Variants in PPID observed in about 807,000 individuals in gnomAD.
The protein encoded by PPID is peptidyl-prolyl cis-trans isomerase D.
A neutral mutation model predicts 48.1 loss-of-function variants in PPID; 47 were observed. That is an observed-to-expected ratio of 0.98 (90% confidence interval 0.77 to 1.25). The LOEUF is 1.25. Ranked by LOEUF, PPID falls within the 50% of genes most tolerant of loss-of-function variation. The probability of loss-of-function intolerance (pLI) is 0.00; values close to 1 mark genes in which losing one functional copy is unlikely to be tolerated. For synonymous variants in PPID, 163 were observed against 148.8 expected (o/e 1.10, Z -0.69); for missense variants, 429 against 443.5 (o/e 0.97, Z 0.29).
chr4:158,712,991 A>G, intron 7 of PPID, 128 bp downstream of exon 7: 1 of 985,780 alleles, frequency 1.0e-6, no homozygotes, highest in Non-Finnish European at 1.5e-6. Context: ...ATATTTAGAA[A>G]CAAAATGTTT....
rs762916156 is a variant in PPID at position 158,721,474 on chromosome 4, AT to A, written c.94del (p.Ile32LeufsTer3). On this transcript the variant is annotated frameshift_variant, in exon 2 of 10. Transcript: ENST00000307720. LOFTEE classifies it high-confidence loss of function. The part of the protein sequence containing the change: ...VDIGGERVGR[I>X]VLELFADIVP... ...GATATCTGCAAACAATTCTAAGACA[AT>A]TCGACCAACTAAAAGAAAAGAAAAT... The A allele has an allele frequency of 3.2e-5, 51 of 1,613,096 alleles. No individual in the cohort carries two copies. Among genetic ancestry groups the A allele is most frequent in the Non-Finnish European group, 4.2e-5 (49 of 1,179,712 alleles).
chr4:158,723,066 C>G lies in PPID; in HGVS notation c.85+138G>C, dbSNP rs1165729891. 3 of 829,716 alleles carry G rather than the reference C, an allele frequency of 3.6e-6. No homozygotes were observed. In the Admixed American group the frequency reaches 6.6e-5, roughly 18 times the overall value. 51.4% of individuals were successfully genotyped at this position (829,716 alleles called of 1,614,324 possible). ...CCCTAGATCTCCGGGCCTGCTCCGG[C>G]GGACCAGCCTAGGCAGCCATCCCCT... On this transcript the variant is annotated intron_variant, in intron 1 of 9. Transcript: ENST00000307720.
rs756343421 is a variant in PPID at position 158,717,007 on chromosome 4, C to T, written c.522+5G>A. 1.2e-6 allele frequency: 2 copies of T among 1,605,284 alleles called. No homozygotes were observed. Among genetic ancestry groups the T allele is most frequent in the Non-Finnish European group, 1.7e-6 (2 of 1,173,036 alleles). On this transcript the variant is annotated splice_donor_5th_base_variant and intron_variant, in intron 4 of 9. Transcript: ENST00000307720. ...AAGTGTATTTCACTGTAACTTTTTACTTACTTTAGCAGGTTTTTCACCTTT... is the reference window on the plus strand; with the variant it reads ...AAGTGTATTTCACTGTAACTTTTTATTTACTTTAGCAGGTTTTTCACCTTT...
chr4:158,720,242 C>T (rs998458425), intron 2 of PPID, among the ~76,000 whole-genome samples: 5 of 152,214 alleles, frequency 3.3e-5, no homozygotes, highest in Non-Finnish European at 5.9e-5. Flanking sequence ...GCTACTCTTG[C>T]AGGCAGACCT....
At chr4:158,722,547 A>G (rs902978477) in intron 1 of PPID, among the ~76,000 whole-genome samples, 4 of 152,188 alleles carry the variant, frequency 2.6e-5, no homozygotes, top group Non-Finnish European at 4.4e-5. Flanking sequence ...AGCAATTCCA[A>G]CGTGTTCCAG....
intron 7 of PPID, among the ~76,000 whole-genome samples, chr4:158,712,439 C>T (rs1204436661): frequency 1.3e-5 from 2 of 152,160 alleles, no homozygotes; most frequent in African/African-American, 2.4e-5. Context: ...AGGCACTACA[C>T]TAAATGCCTT....
chr4:158,715,908 T>G (rs1032706021), intron 4 of PPID, among the ~76,000 whole-genome samples: 1 of 152,176 alleles, frequency 6.6e-6, no homozygotes, highest in Non-Finnish European at 1.5e-5. Flanking sequence ...ACAGAATAAG[T>G]TGGCAATTTT....
rs565985762 is a variant in PPID at position 158,714,389 on chromosome 4, A to T, written c.752+908T>A. The stretch of plus-strand genomic sequence containing the variant: ...TTCTTGCCAAAATATTTCACCTCAA[A>T]CTAATCTTAAGGAAACAAACACATA... On this transcript the variant is annotated intron_variant, in intron 6 of 9. Coordinates refer to ENST00000307720, the MANE Select transcript of PPID (RefSeq NM_005038.3). 1.1e-4 allele frequency among the ~76,000 whole-genome samples: 16 copies of T among 152,266 alleles called. No individual in the cohort carries two copies. In the South Asian group the frequency reaches 2.1e-3, roughly 20 times the overall value.
chr4:158,718,135 T>C (rs1490746088), intron 3 of PPID, among the ~76,000 whole-genome samples: 1 of 152,232 alleles, frequency 6.6e-6, no homozygotes, highest in Non-Finnish European at 1.5e-5. Flanking sequence ...TCACCTTTAG[T>C]TTTCATCCTT....
intron 7 of PPID, among the ~76,000 whole-genome samples, chr4:158,712,381 A>T (rs1370525307): frequency 1.3e-5 from 2 of 152,270 alleles, no homozygotes; most frequent in Admixed American, 6.5e-5. Context: ...GAGGGTATGG[A>T]TCTTTTAATT....
chr4:158,723,377 G>C lies in PPID; in HGVS notation c.-89C>G, dbSNP rs1303004525. ...AACTCCAGAGTCCGTCTCCGCCGGA[G>C]ACCGGCAGCGACGCTGACCGGCCAC... On this transcript the variant is annotated 5_prime_UTR_variant, in exon 1 of 10. Transcript: ENST00000307720. 3.1e-6 allele frequency: 4 copies of C among 1,305,152 alleles called. No individual in the cohort carries two copies. Among genetic ancestry groups the C allele is most frequent in the East Asian group, 5.0e-5 (2 of 40,386 alleles). The allele number at this position is 1,305,152 out of a possible 1,614,324, so 80.8% of individuals were successfully genotyped here.
chr4:158,715,742 C>T, intron 4 of PPID, 58 bp from the exon 5 acceptor site: 2 of 1,552,468 alleles, frequency 1.3e-6, no homozygotes, highest in Non-Finnish European at 1.8e-6. Flanking sequence ...GAGATAAAAG[C>T]TATACAGCTG....
intron 4 of PPID, 66 bp from the exon 5 acceptor site, chr4:158,715,750 C>G (rs996830677): frequency 7.6e-5 from 116 of 1,533,474 alleles, no homozygotes; most frequent in Admixed American, 1.5e-4. Context: ...AGCTATACAG[C>G]TGAAGTCATG....
At chr4:158,720,868 T>C (rs4690910) in intron 2 of PPID, among the ~76,000 whole-genome samples, 146,704 of 151,868 alleles carry the variant, frequency 0.97, 71,057 homozygotes, top group East Asian at 1. Flanking sequence ...GCGCCCACCA[T>C]CACACCCGGC....
intron 7 of PPID, among the ~76,000 whole-genome samples, chr4:158,712,764 AAAG>A (rs1210844457): frequency 1.8e-4 from 27 of 152,274 alleles, no homozygotes; most frequent in Middle Eastern, 3.4e-3. Context: ...CTCAAAAAAA[AAAG>A]AAGAAGAAAA....
chr4:158,710,404 G>A (rs999434301), intron 9 of PPID: 14 of 592,296 alleles, frequency 2.4e-5, no homozygotes, highest in Non-Finnish European at 3.6e-5. Context: ...AATAAATAAC[G>A]TGAAAAACTA....
rs761849495 is a variant in PPID, at chr4:158,715,388, A to G, written c.661T>C (p.Leu221=). ...IDLKDVDKIL[L]ITEDLKNIGN... ...ATGTTTTTTAAGTCTTCTGTTATTA[A>G]TAAAATTTTATCTACCTGTATAAAA... Residue 221 remains leucine, a synonymous_variant, in exon 6 of 10, where the codon TTA becomes CTA. Transcript: ENST00000307720. 2.5e-5 allele frequency: 38 copies of G among 1,514,166 alleles called. No individual in the cohort carries two copies. The highest frequency in any genetic ancestry group is 1.9e-4 in the Middle Eastern group (1 of 5,224). 93.8% of individuals were successfully genotyped at this position (1,514,166 alleles called of 1,614,324 possible).
intron 3 of PPID, among the ~76,000 whole-genome samples, chr4:158,718,792 T>C (rs1475249925): frequency 2.0e-5 from 3 of 152,210 alleles, no homozygotes; most frequent in Admixed American, 6.5e-5. Flanking sequence ...CTATATCTGC[T>C]AGTGTGCAAA....
At position 158,723,202 on chromosome 4, in the gene PPID, A is replaced by C. The variant is rs1278336568; in HGVS notation, c.85+2T>G. On this transcript the variant is annotated splice_donor_variant, in intron 1 of 9. Coordinates refer to ENST00000307720, the MANE Select transcript of PPID (RefSeq NM_005038.3). LOFTEE classifies it high-confidence loss of function. Reference sequence around the variant, plus strand: ...TTTCCGCGAGCGTCAGACTCCGCTCACCTCGCTCCCCTCCGATGTCCACGT... The same window carrying C: ...TTTCCGCGAGCGTCAGACTCCGCTCCCCTCGCTCCCCTCCGATGTCCACGT... The C allele has an allele frequency of 1.2e-6, 2 of 1,612,936 alleles. No individual in the cohort carries two copies. The highest frequency in any genetic ancestry group is 1.7e-6 in the Non-Finnish European group (2 of 1,179,418).
Sources: allele counts gnomAD v4.1 joint callset (sites outside exome capture counted in the v4.1 genomes callset), GRCh38; gene constraint gnomAD v4.1.1; transcripts MANE v1.5; gene names NCBI Gene and HGNC (gene_info 2026-07-23, HGNC 2026-07-21).